Variants in PAX5 observed in about 807,000 individuals in gnomAD.
The protein encoded by PAX5 is paired box protein Pax-5.
In PAX5, 9 loss-of-function variants were observed where a neutral mutation model predicts 43.7. The ratio of observed to expected loss-of-function variants is 0.21; its 90% CI spans 0.12 to 0.36. PAX5 has a LOEUF of 0.36. PAX5 is among the 10% of genes least tolerant of loss of function. The pLI is 1.00. For missense variants in PAX5, 383 were observed against 532.7 expected, an observed-to-expected ratio of 0.72 and a Z score of 2.77; for synonymous variants, 228 against 214.3, an observed-to-expected ratio of 1.06 and a Z score of -0.56.
intron 2 of PAX5, among the ~76,000 whole-genome samples, chr9:37,017,377 C>T (rs1050397158): frequency 1.3e-5 from 2 of 152,204 alleles, no homozygotes; most frequent in African/African-American, 4.8e-5. Context: ...ACTCTAAATT[C>T]AGTGCTCTTC....
At chr9:36,963,626 G>A (rs1373411300) in intron 6 of PAX5, among the ~76,000 whole-genome samples, 1 of 152,084 alleles carries the variant, frequency 6.6e-6, no homozygotes, top group Non-Finnish European at 1.5e-5. Context: ...GTGAGTGAGT[G>A]AATCCATGGG....
chr9:36,935,367 C>T (rs148403879), intron 6 of PAX5, among the ~76,000 whole-genome samples: 60 of 147,248 alleles, frequency 4.1e-4, no homozygotes, highest in Non-Finnish European at 7.5e-4. Context: ...GCAACAAGAG[C>T]GAAACTCCAT....
rs542736970 is a variant in PAX5, at chr9:36,956,143, T to C, written c.780+10406A>G. Among the ~76,000 whole-genome samples, 403 of 152,292 alleles carry C rather than the reference T, an allele frequency of 2.6e-3. 1 individual carries two copies. Among genetic ancestry groups the C allele is most frequent in the Non-Finnish European group, 4.8e-3 (328 of 68,032 alleles). ...CAAAAGTCAATTCTCACACAGTATT[T>C]TGGCTGCATCAATTGCTGTTACTTT... is the stretch of plus-strand genomic sequence containing the variant. On this transcript the variant is annotated intron_variant, in intron 6 of 9. Coordinates refer to ENST00000358127, the MANE Select transcript of PAX5 (RefSeq NM_016734.3).
intron 6 of PAX5, among the ~76,000 whole-genome samples, chr9:36,925,311 A>G (rs1830562016): frequency 1.3e-5 from 2 of 152,182 alleles, no homozygotes; most frequent in African/African-American, 4.8e-5. Flanking sequence ...TGGTTCTGAA[A>G]CATGTGGAGA....
chr9:36,949,422 A>G, intron 6 of PAX5, among the ~76,000 whole-genome samples: 1 of 81,156 alleles, frequency 1.2e-5, no homozygotes, highest in African/African-American at 3.3e-5. Context: ...AGCAGTGGTA[A>G]AGCCAAGTAG....
intron 5 of PAX5, among the ~76,000 whole-genome samples, chr9:36,981,068 G>C (rs1835869583): frequency 6.6e-6 from 1 of 151,910 alleles, no homozygotes. Flanking sequence ...TGCACTTGCT[G>C]TTCCCTCTCT....
intron 7 of PAX5, among the ~76,000 whole-genome samples, chr9:36,916,777 T>C (rs1829758093): frequency 6.6e-6 from 1 of 152,126 alleles, no homozygotes; most frequent in Non-Finnish European, 1.5e-5. Flanking sequence ...CTCCATTTCC[T>C]AGGTTCAAGT....
intron 8 of PAX5, among the ~76,000 whole-genome samples, chr9:36,859,111 G>A (rs987319995): frequency 2.0e-5 from 3 of 152,256 alleles, no homozygotes; most frequent in Non-Finnish European, 2.9e-5. Flanking sequence ...CAGAGGCCCC[G>A]ATTTCCCCTG....
At chr9:36,857,142 A>G (rs947208977) in intron 8 of PAX5, among the ~76,000 whole-genome samples, 1 of 152,216 alleles carries the variant, frequency 6.6e-6, no homozygotes, top group African/African-American at 2.4e-5. Context: ...CACACTTCCC[A>G]TGGGTCTACC....
At chr9:36,973,083 C>CGGAACGGAAAGGAAAGGAAAGGAAA (rs1835070933) in intron 5 of PAX5, among the ~76,000 whole-genome samples, 3 of 74,542 alleles carry the variant, frequency 4.0e-5, no homozygotes, top group African/African-American at 1.4e-4. Context: ...CGGAACGGAA[C>CGGAACGGAAAGGAAAGGAAAGGAAA]GGAAAGGAAA....
chr9:36,908,036 C>CA (rs1297977183), intron 7 of PAX5, among the ~76,000 whole-genome samples: 2 of 151,862 alleles, frequency 1.3e-5, no homozygotes, highest in Non-Finnish European at 2.9e-5. Context: ...GCTGTCTCTA[C>CA]AAAAAATACA....
intron 7 of PAX5, among the ~76,000 whole-genome samples, chr9:36,891,118 G>A (rs796800009): frequency 2.4e-4 from 36 of 152,226 alleles, no homozygotes; most frequent in African/African-American, 7.5e-4. Flanking sequence ...CGGCCTGGGC[G>A]ACAGAGCGCA....
chr9:36,922,226 C>T (rs1009217320), intron 7 of PAX5, among the ~76,000 whole-genome samples: 6 of 152,156 alleles, frequency 3.9e-5, no homozygotes, highest in African/African-American at 1.2e-4. Flanking sequence ...TGTTCTAATC[C>T]GAGTCTAACC....
At chr9:36,862,566 C>G (rs1470750486) in intron 8 of PAX5, among the ~76,000 whole-genome samples, 1 of 152,064 alleles carries the variant, frequency 6.6e-6, no homozygotes, top group African/African-American at 2.4e-5. Context: ...CATGCTATGA[C>G]CCCCAATAAA....
intron 5 of PAX5, among the ~76,000 whole-genome samples, chr9:36,983,217 T>C (rs1193862724): frequency 2.0e-5 from 3 of 152,210 alleles, no homozygotes; most frequent in Non-Finnish European, 4.4e-5. Flanking sequence ...TGAGGGAAGA[T>C]TACGCTTTGC....
At chr9:36,888,419 G>A (rs1461066218) in intron 7 of PAX5, among the ~76,000 whole-genome samples, 1 of 152,162 alleles carries the variant, frequency 6.6e-6, no homozygotes, top group African/African-American at 2.4e-5. Flanking sequence ...CCATACAATG[G>A]AATATTTGGC....
intron 5 of PAX5, among the ~76,000 whole-genome samples, chr9:36,996,244 G>A (rs1164416970): frequency 6.6e-6 from 1 of 152,244 alleles, no homozygotes; most frequent in African/African-American, 2.4e-5. Flanking sequence ...ACTCAGCATT[G>A]ACTACAGCCA....
In PAX5 at chr9:36,881,963, G is replaced by C. The variant is rs999856789; in HGVS notation, c.1012+41C>G. The C allele has an allele frequency of 6.7e-6, 10 of 1,484,420 alleles. No individual in the cohort carries two copies. In the South Asian group the frequency reaches 1.1e-4, roughly 16 times the overall value. The allele number at this position is 1,484,420 out of a possible 1,614,324, so 92.0% of individuals were successfully genotyped here. A position where few individuals can be genotyped will look rare whatever the true frequency, so the allele number is the denominator to read the frequency against. On this transcript the variant is annotated intron_variant, in intron 8 of 9. Transcript: ENST00000358127. ...GGGGATGTCCCCCCACCGAAACCCC[G>C]TCCGCTGCCTGCTGTGGAGACGCCG...
chr9:36,952,683 C>T (rs1564004324), intron 6 of PAX5, among the ~76,000 whole-genome samples: 3 of 152,100 alleles, frequency 2.0e-5, no homozygotes, highest in Non-Finnish European at 1.5e-5. Context: ...CTGCAATATA[C>T]GTTTATATCT....
Sources: allele counts gnomAD v4.1 joint callset (sites outside exome capture counted in the v4.1 genomes callset), GRCh38; gene constraint gnomAD v4.1.1; transcripts MANE v1.5; gene names NCBI Gene and HGNC (gene_info 2026-07-23, HGNC 2026-07-21).